NCAM1: variants seen among roughly 807,000 people sequenced by gnomAD.
The protein encoded by NCAM1 is antigen recognized by monoclonal antibody 5.1H11.
Under a neutral mutation model 109.8 loss-of-function variants are expected in NCAM1, and 14 were observed. The observed-to-expected ratio is 0.13, with a 90% confidence interval of 0.08 to 0.20. NCAM1 has a LOEUF of 0.20. NCAM1 is among the 10% of genes least tolerant of loss of function. The pLI is 1.00. For missense variants in NCAM1, 774 were observed against 1,109.9 expected, an observed-to-expected ratio of 0.70 and a Z score of 4.30; for synonymous variants, 418 against 442.9, an observed-to-expected ratio of 0.94 and a Z score of 0.70.
At chr11:113,037,514 A>G (rs1952930714) in intron 1 of NCAM1, among the ~76,000 whole-genome samples, 1 of 151,926 alleles carries the variant, frequency 6.6e-6, no homozygotes, top group South Asian at 2.1e-4. Context: ...AGCTGCAGAG[A>G]CCCCGTCTCC....
chr11:112,974,780 A>G (rs541487705), intron 1 of NCAM1, among the ~76,000 whole-genome samples: 11 of 151,774 alleles, frequency 7.2e-5, no homozygotes, highest in Non-Finnish European at 8.8e-5. Flanking sequence ...GAGAAGAGAC[A>G]TATGGCTGCC....
chr11:113,221,385 C>A, intron 9 of NCAM1, 60 bp downstream of exon 9: 2 of 1,511,620 alleles, frequency 1.3e-6, no homozygotes, highest in East Asian at 2.4e-5. Context: ...GTTTAACTCA[C>A]CATTGCAGTT....
chr11:112,964,236 T>G (rs1950668286), intron 1 of NCAM1, among the ~76,000 whole-genome samples: 1 of 142,676 alleles, frequency 7.0e-6, no homozygotes, highest in Admixed American at 7.6e-5. Context: ...ATATGAAAAT[T>G]TACATATAAG....
intron 15 of NCAM1, among the ~76,000 whole-genome samples, chr11:113,254,580 C>T (rs1220769562): frequency 6.6e-6 from 1 of 152,134 alleles, no homozygotes; most frequent in Non-Finnish European, 1.5e-5. Flanking sequence ...GAAGGTGGTT[C>T]CCAGAGTAGC....
Position 113,263,543 on chromosome 11 carries a change from G to A in NCAM1, c.2131+3220G>A, listed in dbSNP as rs138139334. The A allele has an allele frequency of 1.2e-5, 12 of 985,784 alleles. No individual in the cohort carries two copies. The East Asian group carries it at 1.2e-3, about 102-fold the overall frequency. 61.1% of individuals were successfully genotyped at this position (985,784 alleles called of 1,614,324 possible). Reference sequence around the variant, plus strand: ...TTGAATTTGTTGGATATTTTCTGGGGCTGATGAACGTTCTGGGATGTGCTT... The same window carrying A: ...TTGAATTTGTTGGATATTTTCTGGGACTGATGAACGTTCTGGGATGTGCTT... On this transcript the variant is annotated intron_variant, in intron 17 of 19. Transcript: ENST00000316851.
In NCAM1 at chr11:113,048,144, G is replaced by T. The variant is rs150384990; in HGVS notation, c.52+86480G>T. On this transcript the variant is annotated intron_variant, in intron 1 of 19. Transcript: ENST00000316851. ...AATAATCAGACACTCTGACATTGCTGTCCTGTTTTTTCCTGAGAAAAGGAG... is the reference window on the plus strand; with the variant it reads ...AATAATCAGACACTCTGACATTGCTTTCCTGTTTTTTCCTGAGAAAAGGAG... Among the ~76,000 whole-genome samples, 16 of 152,268 alleles carry T rather than the reference G, an allele frequency of 1.1e-4. No homozygotes were observed. The East Asian group carries it at 2.7e-3, about 26-fold the overall frequency.
In NCAM1 at chr11:113,268,167, C is replaced by T. The variant is rs139035706; in HGVS notation, c.2132-2021C>T. Among the ~76,000 whole-genome samples, 344 of 152,318 alleles carry T rather than the reference C, an allele frequency of 2.3e-3. 2 individuals are homozygous for T. Among genetic ancestry groups the T allele is most frequent in the African/African-American group, 7.9e-3 (328 of 41,574 alleles). On this transcript the variant is annotated intron_variant, in intron 17 of 19. Transcript: ENST00000316851. ...TCCTGAAGACCAAGAAGGCCTGTGTCTCCTTTGCTTTTTGGGTGGAATGTG... is the reference window on the plus strand; with the variant it reads ...TCCTGAAGACCAAGAAGGCCTGTGTTTCCTTTGCTTTTTGGGTGGAATGTG...
At chr11:113,010,645 T>C (rs1555074216) in intron 1 of NCAM1, among the ~76,000 whole-genome samples, 1 of 152,224 alleles carries the variant, frequency 6.6e-6, no homozygotes, top group African/African-American at 2.4e-5. Flanking sequence ...TCTCTATTTT[T>C]CTTTTATGCT....
intron 1 of NCAM1, among the ~76,000 whole-genome samples, chr11:113,166,003 A>C (rs1555105199): frequency 7.4e-6 from 1 of 134,592 alleles, no homozygotes; most frequent in Non-Finnish European, 1.5e-5. Context: ...TTTTATTTTT[A>C]CTTATTTTTA....
intron 17 of NCAM1, among the ~76,000 whole-genome samples, chr11:113,260,648 G>C (rs1945964540): frequency 6.6e-6 from 1 of 152,148 alleles, no homozygotes; most frequent in Non-Finnish European, 1.5e-5. Context: ...GGTTGAGTAA[G>C]GATCCTTTTT....
intron 14 of NCAM1, chr11:113,235,374 G>A (rs1481313438): frequency 1.6e-5 from 18 of 1,094,840 alleles, no homozygotes; most frequent in South Asian, 2.5e-5. Flanking sequence ...CAAGGGGTTG[G>A]GGACACTGTC....
chr11:113,212,672 T>C (rs1555113793), intron 7 of NCAM1, among the ~76,000 whole-genome samples: 1 of 152,230 alleles, frequency 6.6e-6, no homozygotes, highest in Non-Finnish European at 1.5e-5. Flanking sequence ...TCTGTGACTT[T>C]TACAATATAG....
chr11:113,207,906 A>G lies in NCAM1; in HGVS notation c.820A>G (p.Ile274Val), dbSNP rs782790715. ...CAGCGACGATAGTTCCCAGCTGACC[A>G]TCAAAAAGGTGGATAAGAACGACGA... The part of the protein sequence containing the change: ...IFSDDSSQLT[I>V]KKVDKNDEAE... The change falls in exon 7 of 20, where the codon ATC becomes GTC. Residue 274 changes from isoleucine to valine, a missense_variant. Ile to Val is a conservative substitution (Grantham distance 29). Around this residue, in one of 4 missense-constraint regions of NCAM1, gnomAD observed 523 missense variants for 784.2 expected, o/e 0.67. Coordinates refer to ENST00000316851, the MANE Select transcript of NCAM1 (RefSeq NM_181351.5). The G allele has an allele frequency of 1.2e-5, 20 of 1,612,550 alleles. No individual in the cohort carries two copies. The South Asian group carries it at 2.1e-4, about 17-fold the overall frequency.
chr11:112,991,209 C>T (rs1555070522), intron 1 of NCAM1, among the ~76,000 whole-genome samples: 4 of 151,974 alleles, frequency 2.6e-5, no homozygotes, highest in Non-Finnish European at 1.5e-5. Context: ...TCAGTAAGTT[C>T]GATTAATGAG....
Position 113,118,968 on chromosome 11 carries a change from TAAGA to T in NCAM1, c.53-83408_53-83405del, listed in dbSNP as rs574975065. On this transcript the variant is annotated intron_variant, in intron 1 of 19. Coordinates refer to ENST00000316851, the MANE Select transcript of NCAM1 (RefSeq NM_181351.5). ...CTTTAAAAATGTTTTTGGAAAGAAA[TAAGA>T]AATATTTAAATTACCTTCAAATTAA... Among the ~76,000 whole-genome samples the T allele has an allele frequency of 7.4e-4, 113 of 152,004 alleles. 2 individuals are homozygous for T. Among genetic ancestry groups the T allele is most frequent in the African/African-American group, 2.6e-3 (108 of 41,322 alleles).
intron 1 of NCAM1, among the ~76,000 whole-genome samples, chr11:113,148,474 T>C (rs1490314594): frequency 2.0e-5 from 3 of 152,048 alleles, no homozygotes; most frequent in Admixed American, 1.3e-4. Flanking sequence ...TTGGGTCTGA[T>C]TGTAAATTAG....
intron 1 of NCAM1, among the ~76,000 whole-genome samples, chr11:113,199,850 C>A (rs976662294): frequency 4.0e-3 from 281 of 69,828 alleles, no homozygotes; most frequent in South Asian, 0.026. Context: ...AAAAAAAAAA[C>A]TTCTGTGATG....
intron 8 of NCAM1, 39 bp downstream of exon 8, chr11:113,214,550 A>G: frequency 6.4e-7 from 1 of 1,566,696 alleles, no homozygotes; most frequent in South Asian, 1.2e-5. Context: ...CTTGGAATGC[A>G]GACTCAAAGC....
chr11:113,088,763 G>A (rs1429761569), intron 1 of NCAM1, among the ~76,000 whole-genome samples: 1 of 152,040 alleles, frequency 6.6e-6, no homozygotes, highest in African/African-American at 2.4e-5. Flanking sequence ...TGTATCATTA[G>A]CATCTCTATA....
Sources: gnomAD v4.1 joint callset for allele counts (sites outside exome capture counted in the v4.1 genomes callset) on GRCh38, gnomAD v4.1.1 for gene constraint, gnomAD v4.1.1 regional missense constraint, MANE v1.5 for transcripts, NCBI Gene and HGNC (gene_info 2026-07-23, HGNC 2026-07-21) for gene names.